DNAH6: variants seen among roughly 807,000 people sequenced by gnomAD.
DNAH6 encodes axonemal beta dynein heavy chain 6.
Under a neutral mutation model 491.4 loss-of-function variants are expected in DNAH6, and 340 were observed. The observed-to-expected ratio is 0.69, with a 90% CI of 0.63 to 0.76. The LOEUF (loss-of-function observed/expected upper bound fraction) is 0.76. Among genes scored for constraint, DNAH6 ranks in the 30% least tolerant of loss-of-function variants. The pLI, the probability that DNAH6 is intolerant of heterozygous loss-of-function variation, is 0.00. For synonymous variants in DNAH6, 1,603 were observed against 1,686.1 expected (o/e 0.95, Z 1.21); for missense variants, 4,443 against 4,972.2 (o/e 0.89, Z 3.20).
intron 64 of DNAH6, 128 bp downstream of exon 64, chr2:84,763,073 T>C: frequency 1.5e-6 from 1 of 687,560 alleles, no homozygotes; most frequent in Non-Finnish European, 2.5e-6. Flanking sequence ...TACATAAATT[T>C]AAGATATGTT....
At chr2:84,650,088 T>G (rs1311502969) in intron 33 of DNAH6, among the ~76,000 whole-genome samples, 2 of 152,164 alleles carry the variant, frequency 1.3e-5, no homozygotes, top group Non-Finnish European at 2.9e-5. Flanking sequence ...TTGTCTTCCA[T>G]TTTTAGAAGT....
intron 70 of DNAH6, among the ~76,000 whole-genome samples, chr2:84,798,428 A>G (rs1170005729): frequency 6.6e-6 from 1 of 152,174 alleles, no homozygotes; most frequent in Non-Finnish European, 1.5e-5. Flanking sequence ...GAGCAGCCCA[A>G]AGAATAAGCA....
At chr2:84,681,635 A>T in intron 42 of DNAH6, 107 bp downstream of exon 42, 22 of 982,554 alleles carry the variant, frequency 2.2e-5, no homozygotes, top group Non-Finnish European at 3.0e-5. Flanking sequence ...TGACTCACCC[A>T]GAAATCCCAT....
rs1043872718 is a variant in DNAH6, at chr2:84,805,579, T to A, written c.11482-86T>A. 6 of 1,271,344 alleles carry A rather than the reference T, an allele frequency of 4.7e-6. No homozygotes were observed. In the African/African-American group the frequency reaches 6.1e-5, roughly 13 times the overall value. 78.8% of individuals were successfully genotyped at this position (1,271,344 alleles called of 1,614,324 possible). On this transcript the variant is annotated intron_variant, in intron 70 of 76. Coordinates refer to ENST00000389394, the MANE Select transcript of DNAH6 (RefSeq NM_001370.2). ...ATAATATGGTTTTAGAGAACTGCCTTTACTTTTGTAAATAATTATGTGTGC... is the reference window on the plus strand; with the variant it reads ...ATAATATGGTTTTAGAGAACTGCCTATACTTTTGTAAATAATTATGTGTGC...
At chr2:84,575,843 C>T (rs1013302575) in intron 12 of DNAH6, among the ~76,000 whole-genome samples, 11 of 152,222 alleles carry the variant, frequency 7.2e-5, no homozygotes, top group East Asian at 5.8e-4. Flanking sequence ...GAGATCGCGC[C>T]GCTGCACTCC....
chr2:84,792,905 T>C (rs533223284), intron 68 of DNAH6, among the ~76,000 whole-genome samples: 2 of 152,344 alleles, frequency 1.3e-5, no homozygotes, highest in East Asian at 3.9e-4. Context: ...CTTTAAATAC[T>C]GGAAGGTGTT....
At chr2:84,519,885 AACTTACAATTTGTAATTGTGTGTATTTGT>A (rs1675981879) in intron 2 of DNAH6, among the ~76,000 whole-genome samples, 1 of 151,990 alleles carries the variant, frequency 6.6e-6, no homozygotes, top group African/African-American at 2.4e-5. Context: ...AAATGTATGA[AACTTACAATTTGTAATTGTGTGTATTTGT>A]AATATTTTCA....
At chr2:84,722,596 T>C (rs377658490) in intron 59 of DNAH6, 29 bp from the exon 60 acceptor site, 1 of 1,522,488 alleles carries the variant, frequency 6.6e-7, no homozygotes, top group Non-Finnish European at 8.8e-7. Flanking sequence ...AACAGATCCC[T>C]AAGAACTTGT....
At chr2:84,602,797 G>GTTTTTTTTTTTTTTTTTTTTTTTTTTT (rs70949898) in intron 18 of DNAH6, among the ~76,000 whole-genome samples, 2 of 121,866 alleles carry the variant, frequency 1.6e-5, no homozygotes, top group Non-Finnish European at 1.6e-5. Flanking sequence ...TGGATGCTCT[G>GTTTTTTTTTTTTTTTTTTTTTTTTTTT]TTTTTTTTTT....
intron 18 of DNAH6, among the ~76,000 whole-genome samples, chr2:84,603,826 T>C (rs1279161320): frequency 2.0e-5 from 3 of 152,162 alleles, no homozygotes; most frequent in Admixed American, 1.3e-4. Context: ...ACAAGGGAGC[T>C]AAGGCAGATA....
the DNAH6 span, among the ~76,000 whole-genome samples, chr2:84,489,204 T>C: frequency 2.0e-5 from 3 of 152,252 alleles, no homozygotes; most frequent in South Asian, 6.2e-4. Flanking sequence ...AGAGTGTCTT[T>C]AGGGTCAACA....
chr2:84,787,952 C>A (rs1677365555), intron 68 of DNAH6, among the ~76,000 whole-genome samples: 1 of 151,874 alleles, frequency 6.6e-6, no homozygotes, highest in South Asian at 2.1e-4. Flanking sequence ...GAAGGAGGAG[C>A]TCTGAAAAGG....
At chr2:84,680,752 G>A (rs558043645) in intron 41 of DNAH6, among the ~76,000 whole-genome samples, 20 of 152,132 alleles carry the variant, frequency 1.3e-4, no homozygotes, top group African/African-American at 4.6e-4. Context: ...AAAAGAGTAG[G>A]GGCCAGGATG....
intron 37 of DNAH6, among the ~76,000 whole-genome samples, chr2:84,664,854 C>T (rs770290382): frequency 1.8e-4 from 28 of 152,326 alleles, no homozygotes; most frequent in Non-Finnish European, 3.2e-4. Context: ...GGAAGTAAAG[C>T]ACTCCTCAAC....
chr2:84,749,879 G>A (rs1484823002), intron 63 of DNAH6, among the ~76,000 whole-genome samples: 4 of 152,164 alleles, frequency 2.6e-5, no homozygotes, highest in Non-Finnish European at 5.9e-5. Context: ...TTAACAACAC[G>A]TTTTGTTTGT....
chr2:84,669,633 G>T, intron 38 of DNAH6, 123 bp downstream of exon 38: 1 of 835,450 alleles, frequency 1.2e-6, no homozygotes, highest in Non-Finnish European at 1.9e-6. Flanking sequence ...TAGCACTTTT[G>T]CAGGAAGAAT....
At chr2:84,667,188 G>T (rs1347086715) in intron 37 of DNAH6, among the ~76,000 whole-genome samples, 1 of 152,062 alleles carries the variant, frequency 6.6e-6, no homozygotes, top group East Asian at 1.9e-4. Flanking sequence ...ATAGGCATGG[G>T]CAAGGACTTC....
intron 38 of DNAH6, 146 bp from the exon 39 acceptor site, chr2:84,670,182 A>G (rs1168386209): frequency 3.4e-6 from 2 of 586,548 alleles, no homozygotes; most frequent in African/African-American, 1.9e-5. Context: ...ACTAAATGGA[A>G]TCTCCAGTAA....
At chr2:84,794,054 C>T (rs1678056828) in intron 68 of DNAH6, among the ~76,000 whole-genome samples, 2 of 151,996 alleles carry the variant, frequency 1.3e-5, no homozygotes, top group South Asian at 4.1e-4. Flanking sequence ...TTTGACAAAC[C>T]TGAGAAAAAC....
Sources: gnomAD v4.1 joint callset for allele counts (sites outside exome capture counted in the v4.1 genomes callset) on GRCh38, gnomAD v4.1.1 for gene constraint, MANE v1.5 for transcripts, NCBI Gene and HGNC (gene_info 2026-07-23, HGNC 2026-07-21) for gene names.